Variants in TRMT9B observed in about 807,000 individuals in gnomAD.
The protein encoded by TRMT9B is tRNA methyltransferase 9B (putative).
In TRMT9B, 16 loss-of-function variants were observed where a neutral mutation model predicts 11.5. The observed-to-expected ratio is 1.39, with a 90% CI of 0.94 to 2.11. The LOEUF (loss-of-function observed/expected upper bound fraction) is 2.11. Ranked by LOEUF, TRMT9B falls within the 30% of genes most tolerant of loss-of-function variation. The pLI, the probability that TRMT9B is intolerant of heterozygous loss-of-function variation, is 0.00. For missense variants in TRMT9B, 941 were observed against 553.8 expected, an observed-to-expected ratio of 1.70 and a Z score of -7.02; for synonymous variants, 274 against 192.4, an observed-to-expected ratio of 1.42 and a Z score of -3.51.
At chr8:12,986,582 A>C (rs1363824323) in intron 1 of TRMT9B, among the ~76,000 whole-genome samples, 1 of 152,194 alleles carries the variant, frequency 6.6e-6, no homozygotes, top group African/African-American at 2.4e-5. Flanking sequence ...TAAGTAAACT[A>C]ATTTGGATGT....
At chr8:12,995,426 T>C (rs1808161294) in intron 2 of TRMT9B, among the ~76,000 whole-genome samples, 1 of 152,216 alleles carries the variant, frequency 6.6e-6, no homozygotes, top group Non-Finnish European at 1.5e-5. Context: ...CTGTTCTTTA[T>C]ACATATTAAG....
At position 13,006,342 on chromosome 8, in the gene TRMT9B, TCA is replaced by T; in HGVS notation, c.141_142del (p.Ile48ArgfsTer2). On this transcript the variant is annotated frameshift_variant, in exon 3 of 5. Transcript: ENST00000524591. LOFTEE classifies it high-confidence loss of function. ...CTGCAAGAGCAGAAGCCAGGCAGCCTCATCGCTGACATAGGTAACCAGGCAGC... is the reference window on the plus strand; with the variant it reads ...CTGCAAGAGCAGAAGCCAGGCAGCCTTCGCTGACATAGGTAACCAGGCAGC... 3.1e-6 allele frequency: 5 copies of T among 1,600,098 alleles called. No individual in the cohort carries two copies. The highest frequency in any genetic ancestry group is 1.9e-4 in the Middle Eastern group (1 of 5,162).
intron 2 of TRMT9B, among the ~76,000 whole-genome samples, chr8:12,993,583 C>T (rs760326402): frequency 2.0e-5 from 3 of 152,132 alleles, no homozygotes; most frequent in Non-Finnish European, 4.4e-5. Context: ...TAGGGGATGG[C>T]AGTACAAACA....
At chr8:12,977,743 A>G (rs987502483) in intron 1 of TRMT9B, among the ~76,000 whole-genome samples, 1 of 151,888 alleles carries the variant, frequency 6.6e-6, no homozygotes, top group Non-Finnish European at 1.5e-5. Context: ...AGCTGGGTGC[A>G]GTGGCTCATG....
chr8:12,957,112 G>A (rs1585073442), intron 1 of TRMT9B, among the ~76,000 whole-genome samples: 2 of 152,144 alleles, frequency 1.3e-5, no homozygotes, highest in East Asian at 1.9e-4. Context: ...AGAAAGTGGT[G>A]TATTCTCTCA....
At chr8:12,966,223 C>T (rs1230878246) in intron 1 of TRMT9B, among the ~76,000 whole-genome samples, 1 of 152,034 alleles carries the variant, frequency 6.6e-6, no homozygotes, top group Non-Finnish European at 1.5e-5. Flanking sequence ...GTCCCAGCTA[C>T]TCAGTAGCTA....
At chr8:12,958,458 T>C (rs1355975762) in intron 1 of TRMT9B, 2 of 152,372 alleles carry the variant, frequency 1.3e-5, no homozygotes, top group Admixed American at 6.5e-5. Flanking sequence ...CTGCATCAGA[T>C]TGGTGCCCAG....
At chr8:12,956,561 T>G (rs1801338289) in intron 1 of TRMT9B, among the ~76,000 whole-genome samples, 2 of 152,240 alleles carry the variant, frequency 1.3e-5, no homozygotes, top group South Asian at 4.1e-4. Context: ...TTAAAAATTA[T>G]TTTTCCTTCT....
chr8:13,003,564 T>C (rs532558419), intron 2 of TRMT9B, among the ~76,000 whole-genome samples: 1 of 152,136 alleles, frequency 6.6e-6, no homozygotes, highest in African/African-American at 2.4e-5. Flanking sequence ...TCATTGGGTA[T>C]TATGGCTAAT....
intron 1 of TRMT9B, among the ~76,000 whole-genome samples, chr8:12,953,416 C>T (rs971820066): frequency 2.2e-4 from 33 of 152,150 alleles, no homozygotes; most frequent in Admixed American, 1.3e-4. Flanking sequence ...GTGGTGCGAT[C>T]TTGGCTCAAT....
chr8:12,991,190 C>T (rs1410606763), intron 2 of TRMT9B, among the ~76,000 whole-genome samples, 159 bp downstream of exon 2: 1 of 152,060 alleles, frequency 6.6e-6, no homozygotes, highest in African/African-American at 2.4e-5. Flanking sequence ...AGGTGGAAAA[C>T]AGTATTTGAA....
rs373064170 is a variant in TRMT9B at position 13,029,158 on chromosome 8, G to A, written c.*7114G>A. On this transcript the variant is annotated 3_prime_UTR_variant, in exon 5 of 5. Transcript: ENST00000524591. ...ATACATCAAATTAGCAATTACCATA[G>A]AAATGTATTTCATTGAATAAATAGC... 2 of 166,616 alleles carry A rather than the reference G, an allele frequency of 1.2e-5. No individual in the cohort carries two copies. The highest frequency in any genetic ancestry group is 1.9e-4 in the East Asian group (1 of 5,174). The allele number at this position is 166,616 out of a possible 1,614,324, so 10.3% of individuals were successfully genotyped here.
chr8:12,982,372 A>G (rs1231383829), intron 1 of TRMT9B, among the ~76,000 whole-genome samples: 1 of 152,200 alleles, frequency 6.6e-6, no homozygotes, highest in African/African-American at 2.4e-5. Context: ...ATTCAAATAC[A>G]TAATCAGGGT....
intron 1 of TRMT9B, chr8:12,952,758 T>C (rs1436546172): frequency 2.3e-6 from 2 of 869,030 alleles, no homozygotes; most frequent in Middle Eastern, 5.7e-4. Context: ...TTGTTGTTGT[T>C]TGACGGAGTC....
intron 1 of TRMT9B, chr8:12,960,211 A>G (rs1426954063): frequency 6.6e-6 from 1 of 152,204 alleles, no homozygotes; most frequent in Non-Finnish European, 1.5e-5. Flanking sequence ...TGGCACTCTA[A>G]GGAGTCAACA....
At position 13,025,584 on chromosome 8, in the gene TRMT9B, T is replaced by G. The variant is rs1194218453; in HGVS notation, c.*3540T>G. The stretch of plus-strand genomic sequence containing the variant: ...CTATTTGAGGAATTCCACAGAATCT[T>G]CAAAGGATTTGGGGGAAAGCGCATT... On this transcript the variant is annotated 3_prime_UTR_variant, in exon 5 of 5. Transcript: ENST00000524591. The G allele has an allele frequency of 3.0e-5, 5 of 167,082 alleles. No individual in the cohort carries two copies. Among genetic ancestry groups the G allele is most frequent in the African/African-American group, 1.2e-4 (5 of 41,466 alleles). 10.3% of individuals were successfully genotyped at this position (167,082 alleles called of 1,614,324 possible). A position where few individuals can be genotyped will look rare whatever the true frequency, so the allele number is the denominator to read the frequency against.
chr8:12,987,653 C>T (rs1184167392), intron 1 of TRMT9B, among the ~76,000 whole-genome samples: 1 of 151,444 alleles, frequency 6.6e-6, no homozygotes, highest in African/African-American at 2.4e-5. Context: ...GATGGTGCCA[C>T]TGCACTCCAG....
chr8:12,960,770 A>C (rs1480782592), intron 1 of TRMT9B, among the ~76,000 whole-genome samples: 1 of 152,172 alleles, frequency 6.6e-6, no homozygotes, highest in Admixed American at 6.5e-5. Flanking sequence ...AACTCTAGAG[A>C]CTGTAAAAAG....
In TRMT9B at chr8:13,022,377, T is replaced by TA. The variant is rs1159694236; in HGVS notation, c.*338dup. 2 of 204,460 alleles carry TA rather than the reference T, an allele frequency of 9.8e-6. No homozygotes were observed. The highest frequency in any genetic ancestry group is 2.1e-5 in the Non-Finnish European group (2 of 93,924). The allele number at this position is 204,460 out of a possible 1,614,324, so 12.7% of individuals were successfully genotyped here. A position where few individuals can be genotyped will look rare whatever the true frequency, so the allele number is the denominator to read the frequency against. The stretch of plus-strand genomic sequence containing the variant: ...TGTTTTTCAGTATTACACATTGATT[T>TA]AAAAAGATTATGCTGTTAAATAATC... On this transcript the variant is annotated 3_prime_UTR_variant, in exon 5 of 5. Transcript: ENST00000524591.
Sources: gnomAD v4.1 joint callset for allele counts (sites outside exome capture counted in the v4.1 genomes callset) on GRCh38, gnomAD v4.1.1 for gene constraint, MANE v1.5 for transcripts, NCBI Gene and HGNC (gene_info 2026-07-23, HGNC 2026-07-21) for gene names.